Variants in KIF3A observed in about 807,000 individuals in gnomAD.
KIF3A encodes the protein kinesin-like protein KIF3A.
A neutral mutation model predicts 92.6 loss-of-function variants in KIF3A; 27 were observed. The observed-to-expected ratio is 0.29, with a 90% confidence interval of 0.21 to 0.40. The LOEUF is 0.40. Ranked by LOEUF, KIF3A falls within the 10% of genes least tolerant of loss-of-function variation. The probability of loss-of-function intolerance (pLI) is 1.00; values close to 1 mark genes in which losing one functional copy is unlikely to be tolerated. For synonymous variants in KIF3A, 250 were observed against 275.4 expected, an observed-to-expected ratio of 0.91 and a Z score of 0.92; for missense variants, 581 against 872.6, an observed-to-expected ratio of 0.67 and a Z score of 4.21.
At chr5:132,723,187 A>G (rs545352722) in intron 4 of KIF3A, 2 of 152,306 alleles carry the variant, frequency 1.3e-5, no homozygotes, top group South Asian at 2.1e-4. Flanking sequence ...ATGCTCACGG[A>G]TAGGAAGAAT....
intron 1 of KIF3A, among the ~76,000 whole-genome samples, 186 bp downstream of exon 1, chr5:132,737,228 C>A: frequency 6.6e-6 from 1 of 152,216 alleles, no homozygotes; most frequent in East Asian, 1.9e-4. Flanking sequence ...CCTGTCGAGG[C>A]CGGCCGGACC....
At position 132,693,632 on chromosome 5, in the gene KIF3A, T is replaced by TTC. The variant is rs1305490730; in HGVS notation, c.*3001_*3002insGA. 3.9e-5 allele frequency: 6 copies of TTC among 152,780 alleles called. No individual in the cohort carries two copies. The highest frequency in any genetic ancestry group is 1.4e-4 in the African/African-American group (6 of 41,454). The allele number at this position is 152,780 out of a possible 1,614,324, so 9.5% of individuals were successfully genotyped here. A position where few individuals can be genotyped will look rare whatever the true frequency, so the allele number is the denominator to read the frequency against. On this transcript the variant is annotated 3_prime_UTR_variant, in exon 19 of 19. Transcript: ENST00000403231. ...GAGGAAACTACAGAATTGCTATGAC[T>TTC]GGAGCTAAATGAATAGCTCTGAAGT...
At chr5:132,712,529 G>A (rs1753463149) in intron 8 of KIF3A, among the ~76,000 whole-genome samples, 1 of 152,212 alleles carries the variant, frequency 6.6e-6, no homozygotes, top group South Asian at 2.1e-4. Context: ...AAGAAATGAT[G>A]AGAATAGAAA....
At chr5:132,703,697 T>C (rs1581067718) in intron 11 of KIF3A, 78 bp from the exon 12 acceptor site, 9 of 984,728 alleles carry the variant, frequency 9.1e-6, no homozygotes, top group East Asian at 2.6e-5. Flanking sequence ...TCCTTCAATA[T>C]AGAAATGCCT....
intron 2 of KIF3A, among the ~76,000 whole-genome samples, chr5:132,731,667 G>A (rs1176402182): frequency 6.6e-6 from 1 of 151,760 alleles, no homozygotes; most frequent in Non-Finnish European, 1.5e-5. Flanking sequence ...TAAATTAAAG[G>A]AGATTGGAAA....
chr5:132,724,801 AAAAAAATATATAT>A (rs1316542853), intron 4 of KIF3A, among the ~76,000 whole-genome samples: 6 of 34,536 alleles, frequency 1.7e-4, no homozygotes, highest in African/African-American at 7.7e-4. Context: ...ATAAAAAAAA[AAAAAAATATATAT>A]ATATATATAT....
At chr5:132,724,806 A>AAAAAAATTATATATATATAT (rs59476182) in intron 4 of KIF3A, among the ~76,000 whole-genome samples, 1 of 22,700 alleles carries the variant, frequency 4.4e-5, no homozygotes, top group Non-Finnish European at 8.2e-5. Context: ...AAAAAAAAAA[A>AAAAAAATTATATATATATAT]ATATATATAT....
At chr5:132,708,783 T>G in intron 10 of KIF3A, 124 bp downstream of exon 10, 1 of 593,108 alleles carries the variant, frequency 1.7e-6, no homozygotes, top group Non-Finnish European at 3.0e-6. Flanking sequence ...TGCTTTGTTC[T>G]ACTGAGGAAT....
At chr5:132,691,931 TAAATA>T (rs540318992), downstream of KIF3A, among the ~76,000 whole-genome samples, 736 of 145,516 alleles carry the variant, frequency 5.1e-3, no homozygotes, top group Non-Finnish European at 5.9e-3. Context: ...AATAAAATAA[TAAATA>T]AAATAAAATA....
chr5:132,729,544 C>T (rs1298744388), intron 2 of KIF3A, among the ~76,000 whole-genome samples: 1 of 151,818 alleles, frequency 6.6e-6, no homozygotes, highest in East Asian at 1.9e-4. Context: ...ACATTCAAGC[C>T]ATAAAAAATA....
chr5:132,704,386 T>C (rs1471936297), intron 11 of KIF3A, among the ~76,000 whole-genome samples: 2 of 151,910 alleles, frequency 1.3e-5, no homozygotes, highest in South Asian at 2.1e-4. Context: ...AGAGTAAACA[T>C]GCCAAGTGTC....
chr5:132,706,539 A>G, intron 10 of KIF3A, 80 bp from the exon 11 acceptor site: 2 of 1,182,320 alleles, frequency 1.7e-6, no homozygotes, highest in Non-Finnish European at 1.2e-6. Context: ...GGAAAACATT[A>G]TTTCTCTTGT....
chr5:132,696,570 T>C lies in KIF3A; in HGVS notation c.*64A>G. On this transcript the variant is annotated 3_prime_UTR_variant, in exon 19 of 19. Transcript: ENST00000403231. ...TATAGAGAAGTCTTCACTGTTTTAA[T>C]TAAAGATTTTGTCCAGGCATGAGAA... 1 of 940,822 alleles carries C rather than the reference T, an allele frequency of 1.1e-6. No individual in the cohort carries two copies. Among genetic ancestry groups the C allele is most frequent in the African/African-American group, 1.6e-5 (1 of 61,490 alleles). 58.3% of individuals were successfully genotyped at this position (940,822 alleles called of 1,614,324 possible).
At chr5:132,729,555 T>C (rs1581100033) in intron 2 of KIF3A, among the ~76,000 whole-genome samples, 1 of 152,164 alleles carries the variant, frequency 6.6e-6, no homozygotes, top group Admixed American at 6.5e-5. Flanking sequence ...ATAAAAAATA[T>C]GTTCTCTAAA....
At chr5:132,712,127 G>A (rs781637078) in intron 8 of KIF3A, among the ~76,000 whole-genome samples, 18 of 152,142 alleles carry the variant, frequency 1.2e-4, no homozygotes, top group Non-Finnish European at 2.5e-4. Context: ...TTTTTTCTTC[G>A]GGCTTAGAAA....
At chr5:132,718,140 A>G (rs893898684) in intron 5 of KIF3A, among the ~76,000 whole-genome samples, 2 of 152,118 alleles carry the variant, frequency 1.3e-5, no homozygotes, top group African/African-American at 4.8e-5. Flanking sequence ...TGTAGACACA[A>G]ACACACACAC....
At position 132,716,855 on chromosome 5, in the gene KIF3A, A is replaced by G. The variant is rs1753643488; in HGVS notation, c.746T>C (p.Val249Ala). The change falls in exon 6 of 19, where the codon GTA (valine) becomes GCA (alanine). Residue 249 changes from valine (V) to alanine (A), a missense_variant. Around this residue, in one of 5 missense-constraint regions of KIF3A, gnomAD observed 40 missense variants for 107.0 expected, o/e 0.37. Transcript: ENST00000403231. ...TGTCCTGTTACTTACAGCAAGATCTACAAGATGGAGCTTCCCCATCCTGAC... is the reference window on the plus strand; with the variant it reads ...TGTCCTGTTACTTACAGCAAGATCTGCAAGATGGAGCTTCCCCATCCTGAC... ...MHVRMGKLHL[V>A]DLAGSERQAK... is the part of the protein sequence containing the mutation. The G allele has an allele frequency of 6.2e-7, 1 of 1,613,820 alleles. No individual in the cohort carries two copies. Among genetic ancestry groups the G allele is most frequent in the Non-Finnish European group, 8.5e-7 (1 of 1,179,880 alleles).
At position 132,711,062 on chromosome 5, in the gene KIF3A, G is replaced by C. The variant is rs1753406076; in HGVS notation, c.1130-5C>G. The C allele has an allele frequency of 6.2e-7, 1 of 1,608,908 alleles. No homozygotes were observed. The highest frequency in any genetic ancestry group is 8.5e-7 in the Non-Finnish European group (1 of 1,175,726). On this transcript the variant is annotated splice_region_variant and splice_polypyrimidine_tract_variant and intron_variant, in intron 8 of 18. Coordinates refer to ENST00000403231, the MANE Select transcript of KIF3A (RefSeq NM_001300791.2). ...CAGAGCCTGATATTTCTTCTCCTTG[G>C]ACAGAAATTTAATACAATGTTTTTT...
downstream of KIF3A, chr5:132,689,945 T>A (rs1352617175): frequency 1.3e-5 from 2 of 152,240 alleles, no homozygotes; most frequent in Admixed American, 6.5e-5. Flanking sequence ...TGACGCCAGG[T>A]GCAGTGGCTC....
Sources: gnomAD v4.1 joint callset for allele counts (sites outside exome capture counted in the v4.1 genomes callset) on GRCh38, gnomAD v4.1.1 for gene constraint, gnomAD v4.1.1 regional missense constraint, MANE v1.5 for transcripts, NCBI Gene and HGNC (gene_info 2026-07-23, HGNC 2026-07-21) for gene names.